The following PLCE1 variants were observed in gnomAD, a reference collection of about 807,000 sequenced individuals.
The protein encoded by PLCE1 is 1-phosphatidylinositol 4,5-bisphosphate phosphodiesterase epsilon-1.
A neutral mutation model predicts 242.8 loss-of-function variants in PLCE1; 119 were observed. The ratio of observed to expected loss-of-function variants is 0.49; its 90% CI spans 0.42 to 0.57. The LOEUF is 0.57. Among genes scored for constraint, PLCE1 ranks in the 20% least tolerant of loss-of-function variants. The probability of loss-of-function intolerance (pLI) is 0.00; values close to 1 mark genes in which losing one functional copy is unlikely to be tolerated. For synonymous variants in PLCE1, 945 were observed against 1,017.4 expected, an observed-to-expected ratio of 0.93 and a Z score of 1.35; for missense variants, 2,441 against 2,788.8, an observed-to-expected ratio of 0.88 and a Z score of 2.81.
At chr10:94,175,527 G>T (rs1399052657) in intron 4 of PLCE1, among the ~76,000 whole-genome samples, 2 of 152,012 alleles carry the variant, frequency 1.3e-5, no homozygotes, top group Admixed American at 6.6e-5. Flanking sequence ...AGTAAATAGG[G>T]TATCCATCAT....
intron 22 of PLCE1, among the ~76,000 whole-genome samples, chr10:94,285,609 T>A (rs1213380336): frequency 2.0e-5 from 3 of 152,204 alleles, no homozygotes; most frequent in Non-Finnish European, 4.4e-5. Flanking sequence ...AGGCCAGCAC[T>A]ACATGCTTCC....
At chr10:94,300,540 T>C (rs1231242133) in intron 24 of PLCE1, among the ~76,000 whole-genome samples, 2 of 152,198 alleles carry the variant, frequency 1.3e-5, no homozygotes, top group African/African-American at 2.4e-5. Context: ...ACAAGCAACA[T>C]GCAGTATCAG....
rs1006340255 is a variant in PLCE1 at position 94,046,445 on chromosome 10, A to G, written c.1206+14193A>G. Among the ~76,000 whole-genome samples, 5 of 152,326 alleles carry G rather than the reference A, an allele frequency of 3.3e-5. No individual in the cohort carries two copies. The East Asian group carries it at 7.7e-4, about 24-fold the overall frequency. On this transcript the variant is annotated intron_variant, in intron 2 of 32. Coordinates refer to ENST00000371380, the MANE Select transcript of PLCE1 (RefSeq NM_016341.4). ...GCCAGGAACCCCAGGCTCATAAAAC[A>G]TCAGCACTGCAAGGGCCTTAGAGAC...
intron 3 of PLCE1, among the ~76,000 whole-genome samples, chr10:94,168,029 A>G (rs1396048128): frequency 6.6e-6 from 1 of 152,128 alleles, no homozygotes; most frequent in Admixed American, 6.6e-5. Flanking sequence ...GAGAGCAAAC[A>G]ATGAGGTGGA....
intron 2 of PLCE1, among the ~76,000 whole-genome samples, chr10:94,038,276 C>A (rs958408340): frequency 6.6e-6 from 1 of 152,038 alleles, no homozygotes; most frequent in Non-Finnish European, 1.5e-5. Flanking sequence ...CCCACTGACC[C>A]CCACGACTAG....
At chr10:94,240,745 G>A (rs1467554934) in intron 7 of PLCE1, among the ~76,000 whole-genome samples, 2 of 152,046 alleles carry the variant, frequency 1.3e-5, no homozygotes, top group Non-Finnish European at 2.9e-5. Flanking sequence ...ATCTGTCTAC[G>A]GTTTCTAACT....
At chr10:94,236,999 G>A (rs1349631704) in intron 7 of PLCE1, among the ~76,000 whole-genome samples, 1 of 152,116 alleles carries the variant, frequency 6.6e-6, no homozygotes, top group Non-Finnish European at 1.5e-5. Context: ...ATACAAAAAT[G>A]TATACTATGT....
chr10:94,012,940 A>G (rs925091669), intron 1 of PLCE1, among the ~76,000 whole-genome samples: 1 of 152,234 alleles, frequency 6.6e-6, no homozygotes, highest in Admixed American at 6.5e-5. Flanking sequence ...CAGATTTACC[A>G]TACTGACTTT....
intron 4 of PLCE1, among the ~76,000 whole-genome samples, chr10:94,188,021 G>A (rs2048537455): frequency 6.6e-6 from 1 of 151,796 alleles, no homozygotes; most frequent in African/African-American, 2.4e-5. Context: ...CCCTTCCCTA[G>A]GTACTCACAG....
chr10:94,248,383 T>A (rs547069185), intron 8 of PLCE1, among the ~76,000 whole-genome samples: 1 of 152,270 alleles, frequency 6.6e-6, no homozygotes, highest in South Asian at 2.1e-4. Flanking sequence ...GGTAGATCAC[T>A]TGAGGTCAGG....
intron 2 of PLCE1, among the ~76,000 whole-genome samples, chr10:94,047,223 C>T (rs1011445902): frequency 6.6e-5 from 10 of 152,084 alleles, no homozygotes; most frequent in Admixed American, 2.6e-4. Flanking sequence ...AGCTATAAAA[C>T]GTGGTATACT....
rs372948197 is a variant in PLCE1, at chr10:94,122,060, T to C, written c.1207-10114T>C. Among the ~76,000 whole-genome samples the C allele has an allele frequency of 1.7e-3, 257 of 152,336 alleles. 6 individuals carry two copies. The highest frequency in any genetic ancestry group is 6.0e-3 in the African/African-American group (248 of 41,590). ...GGTTGGCATTGGTCCCCTCCACCTG[T>C]TGGGGACACACAGAAGCCTGGAGCC... On this transcript the variant is annotated intron_variant, in intron 2 of 32. Coordinates refer to ENST00000371380, the MANE Select transcript of PLCE1 (RefSeq NM_016341.4).
At chr10:94,292,507 A>G (rs2052676416) in intron 22 of PLCE1, among the ~76,000 whole-genome samples, 1 of 152,166 alleles carries the variant, frequency 6.6e-6, no homozygotes, top group Non-Finnish European at 1.5e-5. Context: ...TTCAGCCTGT[A>G]TATGTATATT....
chr10:94,183,854 C>T (rs979798386), intron 4 of PLCE1, among the ~76,000 whole-genome samples: 1 of 152,052 alleles, frequency 6.6e-6, no homozygotes, highest in African/African-American at 2.4e-5. Context: ...TTAAAACAAC[C>T]AGATCTTGAG....
chr10:94,299,312 CT>C (rs1283553436), intron 24 of PLCE1, among the ~76,000 whole-genome samples: 4 of 152,168 alleles, frequency 2.6e-5, no homozygotes, highest in Non-Finnish European at 5.9e-5. Context: ...TTTTGACCCC[CT>C]ATTATCTTAT....
At position 94,302,766 on chromosome 10, in the gene PLCE1, A is replaced by G. The variant is rs183562994; in HGVS notation, c.5459-1716A>G. On this transcript the variant is annotated intron_variant, in intron 24 of 32. Coordinates refer to ENST00000371380, the MANE Select transcript of PLCE1 (RefSeq NM_016341.4). ...TGGAGATACTAAAAGGATCTGCTTC[A>G]TAGATTATTGGGAGGTACTTGATGC... is the stretch of plus-strand genomic sequence containing the variant. 4.9e-3 allele frequency among the ~76,000 whole-genome samples: 752 copies of G among 152,336 alleles called. 4 individuals are homozygous for G. The highest frequency in any genetic ancestry group is 8.0e-3 in the Non-Finnish European group (547 of 68,026).
At position 94,030,763 on chromosome 10, in the gene PLCE1, T is replaced by G; in HGVS notation, c.-284T>G. On this transcript the variant is annotated 5_prime_UTR_variant, in exon 2 of 33. Transcript: ENST00000371380. ...AGAAGTTGCAGAGTGCAATCCCGAG[T>G]AAAAGTCTTCAAAAAATTTTGCTTC... is the stretch of plus-strand genomic sequence containing the variant. 2.3e-6 allele frequency: 1 copy of G among 438,976 alleles called. No individual in the cohort carries two copies. Among genetic ancestry groups the G allele is most frequent in the Non-Finnish European group, 4.1e-6 (1 of 241,266 alleles). 27.2% of individuals were successfully genotyped at this position (438,976 alleles called of 1,614,324 possible).
rs201117145 is a variant in PLCE1 at position 94,031,679 on chromosome 10, C to T, written c.633C>T (p.Asp211=). 183 of 1,613,694 alleles carry T rather than the reference C, an allele frequency of 1.1e-4. 1 individual carries two copies. In the African/African-American group the frequency reaches 1.5e-3, roughly 13 times the overall value. The part of the protein sequence containing the change: ...FCTLSENLIL[D]DCGNCVPLPG... Reference sequence around the variant, plus strand: ...CCCTATCAGAAAACTTAATTTTAGACGATTGTGGAAATTGTGTACCACTAC... The same window carrying T: ...CCCTATCAGAAAACTTAATTTTAGATGATTGTGGAAATTGTGTACCACTAC... The change falls in exon 2 of 33, where the codon GAC becomes GAT. Residue 211 remains aspartate, a synonymous_variant. Transcript: ENST00000371380.
chr10:94,269,743 A>G (rs1178332240), intron 17 of PLCE1, among the ~76,000 whole-genome samples: 2 of 152,220 alleles, frequency 1.3e-5, no homozygotes. Context: ...GGAGATGGTT[A>G]AATAGTTAGC....
Sources: allele counts gnomAD v4.1 joint callset (sites outside exome capture counted in the v4.1 genomes callset), GRCh38; gene constraint gnomAD v4.1.1; transcripts MANE v1.5; gene names NCBI Gene and HGNC (gene_info 2026-07-23, HGNC 2026-07-21).